Variants in KCTD8 observed in about 807,000 individuals in gnomAD.
KCTD8 encodes the protein potassium channel tetramerization domain containing 8, also known as BTB/POZ domain-containing protein KCTD8.
KCTD8 carries 27 observed loss-of-function variants against 31.5 expected under a neutral mutation model. The observed-to-expected ratio is 0.86, with a 90% CI of 0.63 to 1.18. KCTD8 has a LOEUF of 1.18. Ranked by LOEUF, KCTD8 falls within the 50% of genes most tolerant of loss-of-function variation. The pLI is 0.00. For synonymous variants in KCTD8, 290 were observed against 280.0 expected, an observed-to-expected ratio of 1.04 and a Z score of -0.36; for missense variants, 658 against 647.7, an observed-to-expected ratio of 1.02 and a Z score of -0.17.
intron 1 of KCTD8, among the ~76,000 whole-genome samples, chr4:44,443,556 ACAG>A (rs1349006046): frequency 1.3e-5 from 2 of 152,220 alleles, no homozygotes; most frequent in Non-Finnish European, 2.9e-5. Flanking sequence ...CAGTTCAGTA[ACAG>A]CATTAATTCC....
intron 1 of KCTD8, among the ~76,000 whole-genome samples, chr4:44,244,814 G>C (rs2109358607): frequency 7.0e-6 from 1 of 141,996 alleles, no homozygotes; most frequent in East Asian, 2.3e-4. Context: ...CATACCCTTT[G>C]TGTTCAATCA....
At chr4:44,269,215 G>A (rs991103800) in intron 1 of KCTD8, among the ~76,000 whole-genome samples, 1 of 152,152 alleles carries the variant, frequency 6.6e-6, no homozygotes, top group South Asian at 2.1e-4. Flanking sequence ...GAACAGAACA[G>A]AGCCCTCAGA....
intron 1 of KCTD8, among the ~76,000 whole-genome samples, chr4:44,212,674 C>T (rs1365683814): frequency 6.6e-6 from 1 of 152,018 alleles, no homozygotes; most frequent in Non-Finnish European, 1.5e-5. Context: ...TTAGACTATA[C>T]CTGGTACTTC....
intron 1 of KCTD8, among the ~76,000 whole-genome samples, chr4:44,427,555 C>T (rs1221580415): frequency 2.0e-5 from 3 of 151,550 alleles, no homozygotes; most frequent in African/African-American, 7.3e-5. Context: ...GAAGATCTCT[C>T]TGCACCAGAA....
chr4:44,288,233 T>A (rs1717161643), intron 1 of KCTD8, among the ~76,000 whole-genome samples: 2 of 152,076 alleles, frequency 1.3e-5, no homozygotes, highest in African/African-American at 4.8e-5. Context: ...GGCTGTAGAG[T>A]TCTAATGTGA....
chr4:44,365,188 C>T (rs1052127803), intron 1 of KCTD8, among the ~76,000 whole-genome samples: 3 of 151,874 alleles, frequency 2.0e-5, no homozygotes, highest in Non-Finnish European at 2.9e-5. Context: ...ATGGGAACTC[C>T]CTGTATTTAC....
chr4:44,248,513 C>A (rs1400921820), intron 1 of KCTD8, among the ~76,000 whole-genome samples: 1 of 151,626 alleles, frequency 6.6e-6, no homozygotes, highest in Non-Finnish European at 1.5e-5. Flanking sequence ...TCTTTCTAGT[C>A]TCTTAAAATA....
chr4:44,434,085 C>G (rs2109479577), intron 1 of KCTD8, among the ~76,000 whole-genome samples: 1 of 151,800 alleles, frequency 6.6e-6, no homozygotes, highest in East Asian at 1.9e-4. Context: ...TGATATCCAG[C>G]CAAATCAAAC....
At chr4:44,303,384 C>G (rs1051453475) in intron 1 of KCTD8, among the ~76,000 whole-genome samples, 1 of 152,108 alleles carries the variant, frequency 6.6e-6, no homozygotes, top group South Asian at 2.1e-4. Context: ...TTGATTATTG[C>G]CACAATTTCA....
At chr4:44,432,692 T>A (rs1010656326) in intron 1 of KCTD8, among the ~76,000 whole-genome samples, 1 of 151,604 alleles carries the variant, frequency 6.6e-6, no homozygotes, top group African/African-American at 2.4e-5. Flanking sequence ...ACAAATGAGG[T>A]CAATCCCATT....
intron 1 of KCTD8, among the ~76,000 whole-genome samples, chr4:44,431,554 G>C: frequency 6.6e-6 from 1 of 151,356 alleles, no homozygotes; most frequent in Admixed American, 6.6e-5. Flanking sequence ...GCAATGCTGA[G>C]CTTCATAAAA....
chr4:44,277,589 A>T (rs1022220738), intron 1 of KCTD8, among the ~76,000 whole-genome samples: 2 of 151,856 alleles, frequency 1.3e-5, no homozygotes, highest in African/African-American at 4.8e-5. Context: ...AAGAACAATT[A>T]TATCAGGCTA....
At chr4:44,368,803 G>A (rs959212129) in intron 1 of KCTD8, among the ~76,000 whole-genome samples, 2 of 152,124 alleles carry the variant, frequency 1.3e-5, no homozygotes, top group African/African-American at 4.8e-5. Context: ...TAAATATGAA[G>A]GGCAATGATG....
At chr4:44,382,418 GC>G (rs1720092069) in intron 1 of KCTD8, among the ~76,000 whole-genome samples, 1 of 151,980 alleles carries the variant, frequency 6.6e-6, no homozygotes, top group African/African-American at 2.4e-5. Context: ...AAAGCTGAGA[GC>G]TTTTCTGTAA....
intron 1 of KCTD8, 79 bp downstream of exon 1, chr4:44,447,484 G>C: frequency 7.0e-7 from 1 of 1,434,842 alleles, no homozygotes; most frequent in Non-Finnish European, 9.1e-7. Context: ...ACCCCCGCGG[G>C]GCCTCCAGCG....
chr4:44,340,352 G>A (rs1410681831), intron 1 of KCTD8, among the ~76,000 whole-genome samples: 3 of 151,238 alleles, frequency 2.0e-5, no homozygotes, highest in Non-Finnish European at 4.4e-5. Flanking sequence ...AGGCTGGAAT[G>A]CAGTGGAGCG....
intron 1 of KCTD8, among the ~76,000 whole-genome samples, chr4:44,329,503 G>A (rs1257988795): frequency 6.6e-6 from 1 of 151,836 alleles, no homozygotes; most frequent in East Asian, 1.9e-4. Flanking sequence ...ACTGAGGTAA[G>A]ATAAATTGTA....
intron 1 of KCTD8, among the ~76,000 whole-genome samples, chr4:44,342,531 T>C (rs1718931046): frequency 6.6e-6 from 1 of 152,144 alleles, no homozygotes; most frequent in South Asian, 2.1e-4. Context: ...GCATAATTCT[T>C]AAGAGCTCTA....
chr4:44,240,652 G>T (rs1715432386), intron 1 of KCTD8, among the ~76,000 whole-genome samples: 1 of 152,060 alleles, frequency 6.6e-6, no homozygotes, highest in Non-Finnish European at 1.5e-5. Context: ...TTTTATTCTT[G>T]TTTGTGTTCA....
Sources: gnomAD v4.1 joint callset for allele counts (sites outside exome capture counted in the v4.1 genomes callset) on GRCh38, gnomAD v4.1.1 for gene constraint, MANE v1.5 for transcripts, NCBI Gene and HGNC (gene_info 2026-07-23, HGNC 2026-07-21) for gene names.